Variants in LAMA3 observed in about 807,000 individuals in gnomAD.
The protein encoded by LAMA3 is laminin subunit alpha-3.
A neutral mutation model predicts 402.0 loss-of-function variants in LAMA3; 281 were observed. The observed-to-expected ratio is 0.70, with a 90% CI of 0.63 to 0.77. The LOEUF (loss-of-function observed/expected upper bound fraction) is 0.77, where lower values mean the gene tolerates loss of function less well. LAMA3 is among the 30% of genes least tolerant of loss of function. The pLI, the probability that LAMA3 is intolerant of heterozygous loss-of-function variation, is 0.00. For missense variants in LAMA3, 3,840 were observed against 4,215.5 expected (o/e 0.91, Z 2.47); for synonymous variants, 1,431 against 1,558.4 (o/e 0.92, Z 1.93).
intron 27 of LAMA3, 96 bp from the exon 28 acceptor site, chr18:23,842,299 T>A: frequency 6.6e-7 from 1 of 1,506,790 alleles, no homozygotes; most frequent in Non-Finnish European, 9.2e-7. Flanking sequence ...TAGGTTGTTT[T>A]GTTTTTTAAC....
At chr18:23,899,090 T>C in intron 46 of LAMA3, 25 bp downstream of exon 46, 1 of 1,576,322 alleles carries the variant, frequency 6.3e-7, no homozygotes, top group South Asian at 1.1e-5. Context: ...TAAGCCCAAT[T>C]ACATTTTTTT....
intron 1 of LAMA3, among the ~76,000 whole-genome samples, chr18:23,713,547 A>G (rs2061036922): frequency 6.6e-6 from 1 of 152,236 alleles, no homozygotes; most frequent in African/African-American, 2.4e-5. Flanking sequence ...AATTGCACAG[A>G]GGATGACTTA....
intron 2 of LAMA3, among the ~76,000 whole-genome samples, chr18:23,746,631 A>C (rs1175181045): frequency 6.6e-6 from 1 of 152,180 alleles, no homozygotes; most frequent in Non-Finnish European, 1.5e-5. Context: ...AAATATATTT[A>C]TGCTAACATG....
chr18:23,938,808 G>A (rs1482360791), intron 67 of LAMA3, among the ~76,000 whole-genome samples: 1 of 41,014 alleles, frequency 2.4e-5, no homozygotes, highest in Non-Finnish European at 5.4e-5. Flanking sequence ...AGAATAACAG[G>A]CATGCTCCCC....
chr18:23,824,664 C>A, intron 21 of LAMA3, 99 bp downstream of exon 21: 1 of 1,342,884 alleles, frequency 7.4e-7, no homozygotes, highest in Non-Finnish European at 1.1e-6. Flanking sequence ...TAAAATATCA[C>A]AATCATTGGT....
At chr18:23,758,615 A>C in intron 7 of LAMA3, 104 bp downstream of exon 7, 1 of 821,820 alleles carries the variant, frequency 1.2e-6, no homozygotes, top group East Asian at 2.6e-5. Context: ...TGGTCATGTC[A>C]GTGTTAGGGG....
chr18:23,693,496 G>C (rs530144452), intron 1 of LAMA3, among the ~76,000 whole-genome samples: 3 of 148,216 alleles, frequency 2.0e-5, no homozygotes, highest in Non-Finnish European at 4.4e-5. Flanking sequence ...CTGCTAGCAG[G>C]ATTCCCTCAG....
chr18:23,867,985 T>A (rs1471181112), intron 37 of LAMA3, 68 bp downstream of exon 37: 1 of 1,196,198 alleles, frequency 8.4e-7, no homozygotes, highest in African/African-American at 1.5e-5. Context: ...ACAATCATGA[T>A]TTTTACTCAT....
rs556546783 is a variant in LAMA3, at chr18:23,918,719, G to A, written c.7923+2024G>A. Among the ~76,000 whole-genome samples the A allele has an allele frequency of 6.6e-6, 1 of 152,348 alleles. No individual in the cohort carries two copies. The highest frequency in any genetic ancestry group is 2.4e-5 in the African/African-American group (1 of 41,580). On this transcript the variant is annotated intron_variant, in intron 60 of 74. Transcript: ENST00000313654. This position sits in a 1 kb window ranked among gnomAD's most constrained non-coding sequence, Gnocchi z 4.1. ...CCTCCGGTGAATAGGAGCTTCTGTAGTTGCTCTCACGGAGTATTTCTGAAG... is the reference window on the plus strand; with the variant it reads ...CCTCCGGTGAATAGGAGCTTCTGTAATTGCTCTCACGGAGTATTTCTGAAG...
chr18:23,770,045 CA>C lies in LAMA3; in HGVS notation c.1183-3451del, dbSNP rs1420345931. Among the ~76,000 whole-genome samples, 3 of 152,060 alleles carry C rather than the reference CA, an allele frequency of 2.0e-5. No individual in the cohort carries two copies. In the East Asian group the frequency reaches 5.8e-4, roughly 29 times the overall value. On this transcript the variant is annotated intron_variant, in intron 8 of 74. Coordinates refer to ENST00000313654, the MANE Select transcript of LAMA3 (RefSeq NM_198129.4). ...GCTAAGAGTAAATTCATCAGGGAGA[CA>C]GTAATCATAAGTGTGTTTGCATCTA...
At chr18:23,761,590 G>A (rs2061970348) in intron 7 of LAMA3, among the ~76,000 whole-genome samples, 1 of 152,174 alleles carries the variant, frequency 6.6e-6, no homozygotes, top group Non-Finnish European at 1.5e-5. Flanking sequence ...GATAATTCAT[G>A]TAAAGCACTT....
chr18:23,750,829 T>C lies in LAMA3; in HGVS notation c.685-89T>C, dbSNP rs1209443905. On this transcript the variant is annotated intron_variant, in intron 4 of 74. Coordinates refer to ENST00000313654, the MANE Select transcript of LAMA3 (RefSeq NM_198129.4). ...AAATGGCTCAAAGAAACCAAGTGCC[T>C]TGGGGCATGTGAGTTATTTTTACTT... The C allele has an allele frequency of 3.5e-6, 5 of 1,414,288 alleles. No individual in the cohort carries two copies. The African/African-American group carries it at 7.1e-5, about 20-fold the overall frequency. 87.6% of individuals were successfully genotyped at this position (1,414,288 alleles called of 1,614,324 possible).
chr18:23,862,911 G>A (rs1189255738), intron 35 of LAMA3, among the ~76,000 whole-genome samples: 14 of 151,926 alleles, frequency 9.2e-5, no homozygotes, highest in African/African-American at 2.7e-4. Context: ...TTCTCATCAC[G>A]TGAGACCCTC....
chr18:23,750,872 G>C, intron 4 of LAMA3, 46 bp from the exon 5 acceptor site: 2 of 1,607,918 alleles, frequency 1.2e-6, no homozygotes, highest in Non-Finnish European at 1.7e-6. Context: ...GCTAAATTTT[G>C]ATAAAAGGAA....
rs555362991 is a variant in LAMA3, at chr18:23,709,809, C to A, written c.295-4111C>A. The A allele has an allele frequency of 4.6e-4, 299 of 649,440 alleles. 6 individuals carry two copies. The highest frequency in any genetic ancestry group is 4.1e-3 in the South Asian group (297 of 72,546). The allele number at this position is 649,440 out of a possible 1,614,324, so 40.2% of individuals were successfully genotyped here. A position where few individuals can be genotyped will look rare whatever the true frequency, so the allele number is the denominator to read the frequency against. ...TCTTTTTTTCTGGTGAATTAGCCAGCCAGACTCAGTTTAGATGATCCCAAT... is the reference window on the plus strand; with the variant it reads ...TCTTTTTTTCTGGTGAATTAGCCAGACAGACTCAGTTTAGATGATCCCAAT... On this transcript the variant is annotated intron_variant, in intron 1 of 74. Coordinates refer to ENST00000313654, the MANE Select transcript of LAMA3 (RefSeq NM_198129.4).
At chr18:23,813,405 A>G (rs1469002312) in intron 14 of LAMA3, among the ~76,000 whole-genome samples, 1 of 152,182 alleles carries the variant, frequency 6.6e-6, no homozygotes, top group Admixed American at 6.5e-5. Flanking sequence ...TCTGACAAAC[A>G]TAATTAATAA....
chr18:23,868,820 C>A (rs4800519), intron 37 of LAMA3, among the ~76,000 whole-genome samples: 17,499 of 152,132 alleles, frequency 0.12, 2,247 homozygotes, highest in African/African-American at 0.3. Flanking sequence ...GATCATAAAA[C>A]TTTTGTTATA....
chr18:23,904,813 G>A, intron 51 of LAMA3, 119 bp downstream of exon 51: 1 of 1,113,642 alleles, frequency 9.0e-7, no homozygotes, highest in Non-Finnish European at 1.3e-6. Flanking sequence ...AGAACTTGTT[G>A]TATAGAATAG....
intron 60 of LAMA3, among the ~76,000 whole-genome samples, chr18:23,917,926 C>T (rs544718181): frequency 1.3e-5 from 2 of 152,116 alleles, no homozygotes; most frequent in South Asian, 4.1e-4. Context: ...GGGTCTTTAT[C>T]ATGAAATCTT....
Sources: gnomAD v4.1 joint callset for allele counts (sites outside exome capture counted in the v4.1 genomes callset) on GRCh38, gnomAD v4.1.1 for gene constraint, Gnocchi (gnomAD v3.1) non-coding constraint, MANE v1.5 for transcripts, NCBI Gene and HGNC (gene_info 2026-07-23, HGNC 2026-07-21) for gene names.